The following CIDEC variants were observed in gnomAD, a reference collection of about 807,000 sequenced individuals.
CIDEC encodes the protein cell death inducing DFFA like effector c.
CIDEC carries 11 observed loss-of-function variants against 21.9 expected under a neutral mutation model. That is an observed-to-expected ratio of 0.50 (90% CI 0.32 to 0.83). The LOEUF is 0.83. CIDEC is among the 40% of genes least tolerant of loss of function. CIDEC has a pLI of 0.04. For missense variants in CIDEC, 302 were observed against 302.3 expected (o/e 1.00, Z 0.01); for synonymous variants, 127 against 124.9 (o/e 1.02, Z -0.11).
chr3:9,868,340 G>A (rs2082301012), intron 6 of CIDEC, among the ~76,000 whole-genome samples: 2 of 152,220 alleles, frequency 1.3e-5, no homozygotes, highest in Admixed American at 1.3e-4. Context: ...GCCACCTGCA[G>A]TCTAGCTCAT....
At position 9,877,215 on chromosome 3, in the gene CIDEC, C is replaced by T. The variant is rs962039863; in HGVS notation, c.58G>A (p.Val20Met). Residue 20 changes from valine (V) to methionine (M), a missense_variant, in exon 4 of 7, where the codon GTG (valine) becomes ATG (methionine). Val to Met is a conservative substitution (Grantham distance 21, BLOSUM62 1). Coordinates refer to ENST00000336832, the MANE Select transcript of CIDEC (RefSeq NM_001321142.2). The part of the protein sequence containing the change: ...LLYPKSLSRH[V>M]SVRTSVVTQQ... ...GTCACCACAGAGGTACGCACTGACACATGCCTGGGGCAGTTGAAGCATCAG... is the reference window on the plus strand; with the variant it reads ...GTCACCACAGAGGTACGCACTGACATATGCCTGGGGCAGTTGAAGCATCAG... 2.8e-5 allele frequency: 43 copies of T among 1,550,058 alleles called. No individual in the cohort carries two copies. The highest frequency in any genetic ancestry group is 4.3e-4 in the Middle Eastern group (2 of 4,632).
At chr3:9,868,036 C>A (rs1235001222) in intron 6 of CIDEC, among the ~76,000 whole-genome samples, 8 of 152,122 alleles carry the variant, frequency 5.3e-5, no homozygotes, top group Non-Finnish European at 1.0e-4. Context: ...TGTTTGTTTT[C>A]TTCATTAATA....
At position 9,877,067 on chromosome 3, in the gene CIDEC, T is replaced by C. The variant is rs886844137; in HGVS notation, c.206A>G (p.Lys69Arg). 11 of 1,552,302 alleles carry C rather than the reference T, an allele frequency of 7.1e-6. No individual in the cohort carries two copies. The highest frequency in any genetic ancestry group is 9.6e-6 in the Non-Finnish European group (11 of 1,147,128). Residue 69 changes from lysine to arginine, a missense_variant and splice_region_variant, in exon 4 of 7, where the codon AAG becomes AGG. Transcript: ENST00000336832. ...TGTGCAACGCGCAGGTGCTCTCACC[T>C]TGAGGAGGAGGTCCTCAAGACTGTA... ...MAYSLEDLLL[K>R]VRDTLMLADK...
At chr3:9,876,757 CAAAAAAAAAAAAAA>C (rs6147705) in intron 4 of CIDEC, among the ~76,000 whole-genome samples, 15 of 67,754 alleles carry the variant, frequency 2.2e-4, no homozygotes, top group African/African-American at 3.2e-4. Context: ...GACTTCGTCT[CAAAAAAAAAAAAAA>C]AAAAAAAAAA....
chr3:9,873,619 G>A (rs1221525218), intron 4 of CIDEC, among the ~76,000 whole-genome samples: 4 of 151,662 alleles, frequency 2.6e-5, no homozygotes, highest in South Asian at 2.1e-4. Flanking sequence ...CCGTCTCACC[G>A]TCTCAAAAAA....
intron 1 of CIDEC, among the ~76,000 whole-genome samples, chr3:9,879,721 C>T (rs1238184972): frequency 6.6e-6 from 1 of 152,134 alleles, no homozygotes; most frequent in Non-Finnish European, 1.5e-5. Context: ...GCCTTGAAGC[C>T]TCAGTTTCAT....
chr3:9,867,240 C>T lies in CIDEC; in HGVS notation c.611G>A (p.Gly204Asp). Residue 204 changes from glycine (G) to aspartate (D), a missense_variant, in exon 7 of 7, where the codon GGC becomes GAC. Transcript: ENST00000336832. ...GAGCTGCTGCAGGTAACAGGAGGTG[C>T]CAAGCAGTACGTGGCCTGTGGCCTG... The part of the protein sequence containing the change: ...SMQATGHVLL[G>D]TSCYLQQLLD... 6.2e-7 allele frequency: 1 copy of T among 1,613,880 alleles called. No homozygotes were observed. Among genetic ancestry groups the T allele is most frequent in the Non-Finnish European group, 8.5e-7 (1 of 1,179,826 alleles).
rs538937320 is a variant in CIDEC at position 9,877,438 on chromosome 3, T to C, written c.54-219A>G. ...ACTTTGGAAGGCTGAGGTGGGCAGA[T>C]CACTTGAAGTCAGGAGTTCAAGACC... On this transcript the variant is annotated intron_variant, in intron 3 of 6. Transcript: ENST00000336832. 9.6e-4 allele frequency among the ~76,000 whole-genome samples: 146 copies of C among 152,280 alleles called. 2 individuals carry two copies. The highest frequency in any genetic ancestry group is 4.4e-5 in the Non-Finnish European group (3 of 68,022).
intron 4 of CIDEC, among the ~76,000 whole-genome samples, chr3:9,875,952 A>C (rs1028471431): frequency 6.6e-6 from 1 of 152,240 alleles, no homozygotes; most frequent in African/African-American, 2.4e-5. Flanking sequence ...GATTGAAAGC[A>C]CAAGAAATGT....
At chr3:9,874,216 T>C (rs1290545711) in intron 4 of CIDEC, among the ~76,000 whole-genome samples, 5 of 119,270 alleles carry the variant, frequency 4.2e-5, no homozygotes, top group South Asian at 2.9e-4. Context: ...TTGAAACAAA[T>C]AAATAAATAA....
chr3:9,870,505 G>A (rs2082333767), intron 4 of CIDEC, 183 bp from the exon 5 acceptor site: 1 of 1,496,708 alleles, frequency 6.7e-7, no homozygotes, highest in Non-Finnish European at 9.0e-7. Flanking sequence ...AAAATATAAT[G>A]TAAGTCACAT....
chr3:9,871,690 C>T (rs1418461097), intron 4 of CIDEC, among the ~76,000 whole-genome samples: 1 of 151,204 alleles, frequency 6.6e-6, no homozygotes, highest in Non-Finnish European at 1.5e-5. Context: ...AGTGCAGTGG[C>T]ATGATCTCGA....
chr3:9,877,840 T>C (rs2082448595), intron 3 of CIDEC: 2 of 165,394 alleles, frequency 1.2e-5, no homozygotes, highest in Non-Finnish European at 2.7e-5. Context: ...TAACGCTGGT[T>C]CTCAGACCAT....
chr3:9,879,039 T>C lies in CIDEC; in HGVS notation c.-123A>G, dbSNP rs1460096981. 6.8e-6 allele frequency: 4 copies of C among 588,420 alleles called. No individual in the cohort carries two copies. Among genetic ancestry groups the C allele is most frequent in the East Asian group, 2.8e-5 (1 of 35,526 alleles). The allele number at this position is 588,420 out of a possible 1,614,324, so 36.4% of individuals were successfully genotyped here. A position where few individuals can be genotyped will look rare whatever the true frequency, so the allele number is the denominator to read the frequency against. The stretch of plus-strand genomic sequence containing the variant: ...CGAGCCCCTTCCTGAGGCTTCACAG[T>C]GGCCAAAAGAACATTCTGTGATGAT... On this transcript the variant is annotated 5_prime_UTR_variant, in exon 2 of 7. Transcript: ENST00000336832.
rs2082323933 is a variant in CIDEC at position 9,869,983 on chromosome 3, G to T, written c.453C>A (p.Asn151Lys). ...ARVTFDLYKL[N>K]PQDFIGCLNV... ...TCAGGCAGCCAATGAAGTCCTGTGG[G>T]TTCAGCTTGTACAGATCAAACGTTA... Residue 151 changes from asparagine (N) to lysine (K), a missense_variant, in exon 6 of 7, where the codon AAC (asparagine) becomes AAA (lysine). Coordinates refer to ENST00000336832, the MANE Select transcript of CIDEC (RefSeq NM_001321142.2). The T allele has an allele frequency of 1.9e-6, 3 of 1,614,076 alleles. No individual in the cohort carries two copies. In the African/African-American group the frequency reaches 4.0e-5, roughly 22 times the overall value.
intron 2 of CIDEC, 145 bp from the exon 3 acceptor site, chr3:9,878,656 C>T: frequency 7.7e-7 from 1 of 1,298,390 alleles, no homozygotes; most frequent in Non-Finnish European, 1.1e-6. Context: ...TCCCCCAGCC[C>T]TTCTCCTGTC....
chr3:9,867,837 C>T (rs549772803), intron 6 of CIDEC, among the ~76,000 whole-genome samples: 87 of 150,110 alleles, frequency 5.8e-4, no homozygotes, highest in African/African-American at 2.1e-3. Flanking sequence ...AGCTGAGGCA[C>T]GAAAATCACT....
intron 4 of CIDEC, among the ~76,000 whole-genome samples, chr3:9,872,278 A>T (rs1332148682): frequency 6.6e-6 from 1 of 151,034 alleles, no homozygotes; most frequent in African/African-American, 2.4e-5. Flanking sequence ...GGCTCAAGTG[A>T]TCCTCCCACC....
At chr3:9,873,162 A>G (rs1476964926) in intron 4 of CIDEC, among the ~76,000 whole-genome samples, 2 of 152,162 alleles carry the variant, frequency 1.3e-5, no homozygotes, top group African/African-American at 4.8e-5. Context: ...AAGGCCATGA[A>G]GACTTACATA....
Sources: gnomAD v4.1 joint callset for allele counts (sites outside exome capture counted in the v4.1 genomes callset) on GRCh38, gnomAD v4.1.1 for gene constraint, MANE v1.5 for transcripts, NCBI Gene and HGNC (gene_info 2026-07-23, HGNC 2026-07-21) for gene names.